The following WDR37 variants were observed in gnomAD, a reference collection of about 807,000 sequenced individuals.
WDR37 encodes WD repeat domain 37, also known as WD repeat-containing protein 37.
A neutral mutation model predicts 62.9 loss-of-function variants in WDR37; 19 were observed. The observed-to-expected ratio is 0.30, with a 90% CI of 0.21 to 0.44. The LOEUF is 0.44. Ranked by LOEUF, WDR37 falls within the 20% of genes least tolerant of loss-of-function variation. WDR37 has a pLI of 1.00. For synonymous variants in WDR37, 250 were observed against 260.9 expected, an observed-to-expected ratio of 0.96 and a Z score of 0.40; for missense variants, 474 against 657.6, an observed-to-expected ratio of 0.72 and a Z score of 3.05.
At chr10:1,106,020 C>T (rs1835003106) in intron 11 of WDR37, among the ~76,000 whole-genome samples, 1 of 152,086 alleles carries the variant, frequency 6.6e-6, no homozygotes, top group Non-Finnish European at 1.5e-5. Context: ...CTCCTGACGT[C>T]GTGATCCGCC....
At chr10:1,069,491 C>T (rs1226693596) in intron 1 of WDR37, among the ~76,000 whole-genome samples, 1 of 148,914 alleles carries the variant, frequency 6.7e-6, no homozygotes. Context: ...ACTGTTGATA[C>T]ATGCAGAAAA....
At chr10:1,090,141 A>G (rs1834339920) in intron 7 of WDR37, among the ~76,000 whole-genome samples, 1 of 151,788 alleles carries the variant, frequency 6.6e-6, no homozygotes, top group African/African-American at 2.4e-5. Flanking sequence ...TAAATTTTGT[A>G]TTTTTTTAAA....
At chr10:1,074,414 T>C in intron 2 of WDR37, 2 of 1,303,734 alleles carry the variant, frequency 1.5e-6, no homozygotes, top group Non-Finnish European at 2.0e-6. Flanking sequence ...CGTCCTCTGC[T>C]CCACCTTTGG....
intron 7 of WDR37, among the ~76,000 whole-genome samples, chr10:1,088,449 C>T (rs1217619995): frequency 6.6e-6 from 1 of 151,998 alleles, no homozygotes; most frequent in Non-Finnish European, 1.5e-5. Context: ...TATGAATTGG[C>T]CTAATTTTAG....
intron 5 of WDR37, among the ~76,000 whole-genome samples, chr10:1,082,648 C>A (rs1054221608): frequency 2.0e-5 from 3 of 152,160 alleles, no homozygotes; most frequent in Non-Finnish European, 2.9e-5. Context: ...GTAATGACGA[C>A]TAAGTCAGCT....
At chr10:1,059,316 C>G (rs996280589) in intron 1 of WDR37, among the ~76,000 whole-genome samples, 3 of 152,096 alleles carry the variant, frequency 2.0e-5, no homozygotes, top group African/African-American at 7.2e-5. Flanking sequence ...GCAGAAGTTG[C>G]GGTTAGCCGA....
chr10:1,126,188 G>A (rs566188676), intron 13 of WDR37, among the ~76,000 whole-genome samples: 22 of 152,192 alleles, frequency 1.4e-4, no homozygotes, highest in East Asian at 1.2e-3. Context: ...GGCAGATCAC[G>A]AGGTCAGGAG....
chr10:1,072,590 A>T (rs1028103339), intron 2 of WDR37, among the ~76,000 whole-genome samples: 5 of 152,214 alleles, frequency 3.3e-5, no homozygotes, highest in Non-Finnish European at 7.3e-5. Context: ...TTAGGATTAC[A>T]GGCGTGAGCC....
intron 13 of WDR37, among the ~76,000 whole-genome samples, chr10:1,127,762 G>A (rs1835844149): frequency 6.6e-6 from 1 of 152,142 alleles, no homozygotes; most frequent in Admixed American, 6.5e-5. Context: ...GGAGGCCCGT[G>A]GGGCCCCGTG....
intron 2 of WDR37, among the ~76,000 whole-genome samples, chr10:1,076,266 T>G (rs1448496978): frequency 6.6e-6 from 1 of 152,170 alleles, no homozygotes; most frequent in Non-Finnish European, 1.5e-5. Flanking sequence ...AAAATTTTTG[T>G]GAGAAATCTG....
chr10:1,090,239 A>G (rs893609391), intron 7 of WDR37, among the ~76,000 whole-genome samples: 1 of 151,926 alleles, frequency 6.6e-6, no homozygotes, highest in Non-Finnish European at 1.5e-5. Flanking sequence ...GCTCACTGCA[A>G]CTTCCGCATC....
At chr10:1,069,566 G>C (rs1419666613) in intron 1 of WDR37, among the ~76,000 whole-genome samples, 1 of 151,624 alleles carries the variant, frequency 6.6e-6, no homozygotes, top group Admixed American at 6.6e-5. Context: ...ACTGCTCTTT[G>C]ATCATATTTA....
chr10:1,112,392 A>T (rs1451181005), intron 11 of WDR37, among the ~76,000 whole-genome samples: 1 of 152,146 alleles, frequency 6.6e-6, no homozygotes, highest in Non-Finnish European at 1.5e-5. Context: ...TTCGTCTCTC[A>T]CCTTCTCCTA....
Position 1,130,263 on chromosome 10 carries a change from A to G in WDR37, c.*919A>G, listed in dbSNP as rs2131704276. The G allele has an allele frequency of 1.3e-5, 2 of 152,766 alleles. No individual in the cohort carries two copies. Among genetic ancestry groups the G allele is most frequent in the Middle Eastern group, 6.8e-3 (2 of 294 alleles). 9.5% of individuals were successfully genotyped at this position (152,766 alleles called of 1,614,324 possible). ...GAGAGCCAACAACACTACCTCAGAG[A>G]CGGGTCTTTGGGAAACTTTGGGTCT... On this transcript the variant is annotated 3_prime_UTR_variant, in exon 14 of 14. Transcript: ENST00000263150.
rs1007426007 is a variant in WDR37, at chr10:1,121,546, C to A, written c.1104-2672C>A. Among the ~76,000 whole-genome samples the A allele has an allele frequency of 5.9e-5, 9 of 152,278 alleles. No individual in the cohort carries two copies. Among genetic ancestry groups the A allele is most frequent in the African/African-American group, 1.7e-4 (7 of 41,548 alleles). ...CCTCTGCCCATGCTGCTCTCGTAACCCGTGCTGCTCTCGTTACCCAGGCTG... is the reference window on the plus strand; with the variant it reads ...CCTCTGCCCATGCTGCTCTCGTAACACGTGCTGCTCTCGTTACCCAGGCTG... On this transcript the variant is annotated intron_variant, in intron 11 of 13. Transcript: ENST00000263150. The surrounding 1 kb of genome is among the most constrained non-coding windows in gnomAD (Gnocchi z 4.5).
chr10:1,091,389 G>A (rs1049803036), intron 7 of WDR37, among the ~76,000 whole-genome samples: 2 of 152,016 alleles, frequency 1.3e-5, no homozygotes, highest in East Asian at 1.9e-4. Flanking sequence ...AAGTGTACAC[G>A]GTTTCCACCA....
At position 1,105,375 on chromosome 10, in the gene WDR37, C is replaced by A; in HGVS notation, c.1103+108C>A. The stretch of plus-strand genomic sequence containing the variant: ...TTTTCAGTATTTCCGACTCTACTAT[C>A]TTTCAAAAAAATAACTACCTTTCAA... On this transcript the variant is annotated intron_variant, in intron 11 of 13. Transcript: ENST00000263150. The surrounding 1 kb of genome is among the most constrained non-coding windows in gnomAD (Gnocchi z 5.3). 1 of 1,345,360 alleles carries A rather than the reference C, an allele frequency of 7.4e-7. No individual in the cohort carries two copies. The highest frequency in any genetic ancestry group is 1.5e-5 in the South Asian group (1 of 68,678). The allele number at this position is 1,345,360 out of a possible 1,614,324, so 83.3% of individuals were successfully genotyped here. A position where few individuals can be genotyped will look rare whatever the true frequency, so the allele number is the denominator to read the frequency against.
chr10:1,083,556 T>A (rs2131629391), intron 5 of WDR37, among the ~76,000 whole-genome samples: 1 of 152,386 alleles, frequency 6.6e-6, no homozygotes, highest in African/African-American at 2.4e-5. Context: ...TCTGATTTAC[T>A]TAACAGCTGG....
chr10:1,084,204 C>T (rs1344704790), intron 5 of WDR37, among the ~76,000 whole-genome samples, 199 bp from the exon 6 acceptor site: 1 of 152,190 alleles, frequency 6.6e-6, no homozygotes, highest in Non-Finnish European at 1.5e-5. Flanking sequence ...TGCACGCATT[C>T]TCTGTGATAT....
Sources: allele counts gnomAD v4.1 joint callset (sites outside exome capture counted in the v4.1 genomes callset), GRCh38; gene constraint gnomAD v4.1.1; non-coding constraint Gnocchi (gnomAD v3.1); transcripts MANE v1.5; gene names NCBI Gene and HGNC (gene_info 2026-07-23, HGNC 2026-07-21).